Variants in KAZN observed in about 807,000 individuals in gnomAD.
The protein encoded by KAZN is kazrin, periplakin interacting protein.
In KAZN, 40 loss-of-function variants were observed where a neutral mutation model predicts 87.4. That is an observed-to-expected ratio of 0.46 (90% CI 0.36 to 0.60). The LOEUF is 0.60. KAZN is among the 20% of genes least tolerant of loss of function. The pLI is 0.00. For missense variants in KAZN, 898 were observed against 1,073.9 expected (o/e 0.84, Z 2.29); for synonymous variants, 466 against 458.3 (o/e 1.02, Z -0.22).
chr1:14,928,090 C>A (rs964069390), intron 1 of KAZN, among the ~76,000 whole-genome samples: 1 of 152,168 alleles, frequency 6.6e-6, no homozygotes, highest in East Asian at 1.9e-4. Flanking sequence ...ATGTCCCAAC[C>A]GGGAATTTAT....
chr1:14,248,413 C>T (rs1452430777), intron 2 of KAZN, among the ~76,000 whole-genome samples: 2 of 152,142 alleles, frequency 1.3e-5, no homozygotes, highest in East Asian at 1.9e-4. Flanking sequence ...GTGTCTGTTC[C>T]TTAGGATGTC....
intron 2 of KAZN, among the ~76,000 whole-genome samples, chr1:14,433,139 A>G (rs2183101): frequency 0.6 from 91,701 of 151,842 alleles, 28,140 homozygotes; most frequent in African/African-American, 0.69. Flanking sequence ...ATGTTGTAGC[A>G]TGCAGTCCCA....
At chr1:14,222,479 T>C (rs562065772) in intron 2 of KAZN, among the ~76,000 whole-genome samples, 2 of 152,300 alleles carry the variant, frequency 1.3e-5, no homozygotes, top group East Asian at 3.9e-4. Flanking sequence ...GTTTCTGCTT[T>C]TGTTCTGTGG....
chr1:14,510,844 G>A (rs1042034905), intron 2 of KAZN, among the ~76,000 whole-genome samples: 1 of 152,148 alleles, frequency 6.6e-6, no homozygotes, highest in Non-Finnish European at 1.5e-5. Flanking sequence ...CTAATGGACT[G>A]GGAGGTATGG....
At chr1:14,736,305 T>TATATATA (rs1280744639) in intron 1 of KAZN, among the ~76,000 whole-genome samples, 1 of 130,452 alleles carries the variant, frequency 7.7e-6, no homozygotes, top group Admixed American at 7.6e-5. Context: ...GTGTGTATAT[T>TATATATA]TTTTTTTTTT....
At chr1:14,157,699 G>C (rs765851661) in intron 1 of KAZN, among the ~76,000 whole-genome samples, 1 of 152,094 alleles carries the variant, frequency 6.6e-6, no homozygotes, top group Non-Finnish European at 1.5e-5. Context: ...TAAATTCCTT[G>C]AGGTAGTGTA....
intron 4 of KAZN, among the ~76,000 whole-genome samples, chr1:15,045,043 G>A (rs564363895): frequency 6.6e-6 from 1 of 152,296 alleles, no homozygotes; most frequent in Admixed American, 6.5e-5. Context: ...GGTCCGGGTC[G>A]GGAGAGAGAG....
chr1:14,899,828 A>G (rs1255935764), intron 1 of KAZN, among the ~76,000 whole-genome samples: 1 of 151,938 alleles, frequency 6.6e-6, no homozygotes, highest in African/African-American at 2.4e-5. Context: ...CACTGTCCTC[A>G]TTTCAGTCTC....
intron 1 of KAZN, among the ~76,000 whole-genome samples, chr1:14,003,487 C>T (rs1391150629): frequency 6.6e-6 from 1 of 151,784 alleles, no homozygotes; most frequent in African/African-American, 2.4e-5. Flanking sequence ...ATACCAATTC[C>T]TATTTAAAAA....
intron 1 of KAZN, among the ~76,000 whole-genome samples, chr1:14,937,318 A>G (rs538505393): frequency 3.4e-4 from 52 of 152,300 alleles, no homozygotes; most frequent in African/African-American, 1.2e-3. Context: ...ACTTGGGGCC[A>G]GCTCCCTTTC....
chr1:14,889,100 GC>G (rs1654431451), intron 1 of KAZN, among the ~76,000 whole-genome samples: 1 of 152,240 alleles, frequency 6.6e-6, no homozygotes, highest in Non-Finnish European at 1.5e-5. Flanking sequence ...CGGGCCGCAT[GC>G]AGCCTGCGGG....
intron 1 of KAZN, among the ~76,000 whole-genome samples, chr1:14,709,362 C>G (rs1642374802): frequency 6.6e-6 from 1 of 152,174 alleles, no homozygotes; most frequent in South Asian, 2.1e-4. Context: ...AGCAAAACAG[C>G]TTTTGTGAGT....
intron 1 of KAZN, among the ~76,000 whole-genome samples, chr1:14,904,873 T>C (rs1264448353): frequency 6.6e-6 from 1 of 152,222 alleles, no homozygotes; most frequent in East Asian, 1.9e-4. Context: ...ACCATTCTCC[T>C]GCCTCCGCCT....
intron 1 of KAZN, among the ~76,000 whole-genome samples, chr1:14,862,134 A>G (rs1402958729): frequency 1.3e-5 from 2 of 152,352 alleles, no homozygotes; most frequent in Middle Eastern, 3.4e-3. Context: ...TATGAACAAG[A>G]AACAGTCCCC....
At chr1:14,634,187 G>A (rs1679791165) in intron 1 of KAZN, among the ~76,000 whole-genome samples, 1 of 152,092 alleles carries the variant, frequency 6.6e-6, no homozygotes. Flanking sequence ...TCGTAATTCA[G>A]CTAGTGCACA....
intron 2 of KAZN, among the ~76,000 whole-genome samples, chr1:14,373,672 G>C (rs1557671699): frequency 6.6e-6 from 1 of 152,154 alleles, no homozygotes; most frequent in Non-Finnish European, 1.5e-5. Context: ...CAAAGCAAAA[G>C]TTTGTCTTCT....
At position 14,599,164 on chromosome 1, in the gene KAZN, CCTCGGCGGCGGGGGA is replaced by C. The variant is rs778042260; in HGVS notation, c.178_192del (p.Gly60_Ala64del). On this transcript the variant is annotated inframe_deletion, in exon 1 of 15. Transcript: ENST00000376030. This position sits in a 1 kb window ranked among gnomAD's most constrained non-coding sequence, Gnocchi z 4.4. ...CCGGGCCCGGGAGCCGCGGCCAGCG[CCTCGGCGGCGGGGGA>C]CTCGGCGGCGACGAACATGGAGAAC... is the stretch of plus-strand genomic sequence containing the variant. 5.2e-5 allele frequency: 72 copies of C among 1,376,320 alleles called. 2 individuals are homozygous for C. The South Asian group carries it at 7.1e-4, about 14-fold the overall frequency. 85.3% of individuals were successfully genotyped at this position (1,376,320 alleles called of 1,614,324 possible).
intron 2 of KAZN, among the ~76,000 whole-genome samples, chr1:14,487,924 G>A (rs1669432826): frequency 6.6e-6 from 1 of 152,210 alleles, no homozygotes. Flanking sequence ...TGATTCAGTT[G>A]GGATGTGCTG....
intron 1 of KAZN, among the ~76,000 whole-genome samples, chr1:13,945,290 A>G (rs1441966748): frequency 6.8e-6 from 1 of 147,976 alleles, no homozygotes; most frequent in African/African-American, 2.5e-5. Flanking sequence ...CCTGGCCAAC[A>G]TGGTGAAACC....
Sources: gnomAD v4.1 joint callset for allele counts (sites outside exome capture counted in the v4.1 genomes callset) on GRCh38, gnomAD v4.1.1 for gene constraint, Gnocchi (gnomAD v3.1) non-coding constraint, MANE v1.5 for transcripts, NCBI Gene and HGNC (gene_info 2026-07-23, HGNC 2026-07-21) for gene names.